The following ZBTB20 variants were observed in gnomAD, a reference collection of about 807,000 sequenced individuals.
ZBTB20 encodes the protein zinc finger and BTB domain containing 20.
Under a neutral mutation model 56.9 loss-of-function variants are expected in ZBTB20, and 9 were observed. The ratio of observed to expected loss-of-function variants is 0.16; its 90% CI spans 0.10 to 0.28. The LOEUF (loss-of-function observed/expected upper bound fraction) is 0.28. Among genes scored for constraint, ZBTB20 ranks in the 10% least tolerant of loss-of-function variants. The pLI, the probability that ZBTB20 is intolerant of heterozygous loss-of-function variation, is 1.00. For synonymous variants in ZBTB20, 417 were observed against 420.7 expected, an observed-to-expected ratio of 0.99 and a Z score of 0.11; for missense variants, 655 against 1,003.0, an observed-to-expected ratio of 0.65 and a Z score of 4.69.
chr3:114,979,499 T>C (rs2078243907), intron 2 of ZBTB20, among the ~76,000 whole-genome samples: 1 of 152,038 alleles, frequency 6.6e-6, no homozygotes, highest in South Asian at 2.1e-4. Context: ...AACTATGACT[T>C]CTGGTTAATT....
In ZBTB20 at chr3:114,698,067, G is replaced by A. The variant is rs118009575; in HGVS notation, c.-342-4492C>T. On this transcript the variant is annotated intron_variant, in intron 5 of 11. Coordinates refer to ENST00000675478, the MANE Select transcript of ZBTB20 (RefSeq NM_001348800.3). ...TGCATCTATTTATGATTCTCTCTAT[G>A]CATTTGTGAATCTGTATCTGTGATC... Among the ~76,000 whole-genome samples the A allele has an allele frequency of 3.0e-4, 46 of 152,122 alleles. 1 individual carries two copies. The East Asian group carries it at 8.7e-3, about 29-fold the overall frequency.
At chr3:115,101,481 ACAAACAT>A (rs1455031437) in intron 1 of ZBTB20, among the ~76,000 whole-genome samples, 2 of 152,122 alleles carry the variant, frequency 1.3e-5, no homozygotes, top group African/African-American at 4.8e-5. Flanking sequence ...CTATAGAATT[ACAAACAT>A]CAGAAAACAG....
chr3:114,415,954 C>A (rs981781227), intron 7 of ZBTB20, among the ~76,000 whole-genome samples: 1 of 152,060 alleles, frequency 6.6e-6, no homozygotes, highest in Non-Finnish European at 1.5e-5. Context: ...ATAAATAGCT[C>A]ATCAAATCCC....
intron 5 of ZBTB20, among the ~76,000 whole-genome samples, chr3:114,766,191 T>C (rs1210311297): frequency 6.6e-6 from 1 of 151,810 alleles, no homozygotes. Flanking sequence ...ATGAGAGGAC[T>C]GAACAAAGCA....
intron 10 of ZBTB20, among the ~76,000 whole-genome samples, chr3:114,367,573 T>C (rs2082548166): frequency 6.6e-6 from 1 of 152,192 alleles, no homozygotes; most frequent in Non-Finnish European, 1.5e-5. Flanking sequence ...AATCTCTTAT[T>C]GACTAGAATG....
At chr3:115,049,671 T>G (rs2081468431) in intron 2 of ZBTB20, among the ~76,000 whole-genome samples, 1 of 152,120 alleles carries the variant, frequency 6.6e-6, no homozygotes, top group African/African-American at 2.4e-5. Context: ...ATTTTCAGAT[T>G]ATGGATGTTC....
At chr3:114,818,619 A>C (rs543399054) in intron 4 of ZBTB20, among the ~76,000 whole-genome samples, 17 of 152,156 alleles carry the variant, frequency 1.1e-4, no homozygotes, top group Admixed American at 7.2e-4. Context: ...AGATTAATAA[A>C]AGTCAACGTC....
At chr3:114,675,064 AATATATATT>A (rs954397873) in intron 6 of ZBTB20, among the ~76,000 whole-genome samples, 15 of 148,068 alleles carry the variant, frequency 1.0e-4, no homozygotes, top group South Asian at 2.1e-4. Flanking sequence ...TATATATATG[AATATATATT>A]ATATATATTA....
chr3:115,019,108 G>A (rs1266337841), intron 2 of ZBTB20, among the ~76,000 whole-genome samples: 2 of 151,090 alleles, frequency 1.3e-5, no homozygotes, highest in African/African-American at 4.8e-5. Context: ...TACCTACCCT[G>A]ACTAAATATT....
In ZBTB20 at chr3:114,320,002, T is replaced by C. The variant is rs745725707; in HGVS notation, c.*19003A>G. The C allele has an allele frequency of 6.6e-6, 1 of 152,176 alleles. No individual in the cohort carries two copies. The highest frequency in any genetic ancestry group is 1.5e-5 in the Non-Finnish European group (1 of 68,018). 9.4% of individuals were successfully genotyped at this position (152,176 alleles called of 1,614,324 possible). On this transcript the variant is annotated 3_prime_UTR_variant, in exon 12 of 12. Transcript: ENST00000675478. The stretch of plus-strand genomic sequence containing the variant: ...TCCATACTTTCTTCCACATTTAACC[T>C]GTTTGGGCATTAATTGCAATAATGA...
chr3:114,666,131 C>T (rs1025037798), intron 6 of ZBTB20, among the ~76,000 whole-genome samples: 3 of 151,970 alleles, frequency 2.0e-5, no homozygotes, highest in African/African-American at 7.2e-5. Flanking sequence ...CTTTCTCATC[C>T]GTTTTTCCTG....
At chr3:114,427,224 T>TA (rs1365205451) in intron 7 of ZBTB20, among the ~76,000 whole-genome samples, 1 of 152,242 alleles carries the variant, frequency 6.6e-6, no homozygotes, top group Admixed American at 6.5e-5. Context: ...GATTGTTTAA[T>TA]ATTATATTCA....
chr3:114,483,697 C>G (rs1021308796), intron 7 of ZBTB20, among the ~76,000 whole-genome samples: 2 of 152,072 alleles, frequency 1.3e-5, no homozygotes, highest in Admixed American at 1.3e-4. Flanking sequence ...GGACATGGGT[C>G]GAGGTCATAG....
At chr3:115,028,294 TAC>T (rs2080510878) in intron 2 of ZBTB20, among the ~76,000 whole-genome samples, 1 of 150,794 alleles carries the variant, frequency 6.6e-6, no homozygotes, top group Non-Finnish European at 1.5e-5. Context: ...CCTAAAACAG[TAC>T]AGCAAAGGAG....
chr3:114,918,706 C>T (rs1026078400), intron 3 of ZBTB20, among the ~76,000 whole-genome samples: 8 of 152,144 alleles, frequency 5.3e-5, no homozygotes, highest in African/African-American at 1.7e-4. Context: ...CTACTTGGTG[C>T]CCTATCCTAC....
chr3:115,133,093 T>C (rs144093406), intron 1 of ZBTB20, among the ~76,000 whole-genome samples: 2,329 of 152,294 alleles, frequency 0.015, 34 homozygotes, highest in South Asian at 0.05. Context: ...TTCCATGGCC[T>C]AGAATGATTT....
chr3:114,482,105 TTAAGA>T (rs933888193), intron 7 of ZBTB20, among the ~76,000 whole-genome samples: 1 of 152,086 alleles, frequency 6.6e-6, no homozygotes, highest in Admixed American at 6.5e-5. Flanking sequence ...GACTATGGAC[TTAAGA>T]TAACCTCACA....
At chr3:114,347,565 G>T (rs772248760) in intron 11 of ZBTB20, among the ~76,000 whole-genome samples, 1 of 152,126 alleles carries the variant, frequency 6.6e-6, no homozygotes, top group Non-Finnish European at 1.5e-5. Flanking sequence ...AAATTGAAAA[G>T]AACTTTGTTT....
intron 1 of ZBTB20, among the ~76,000 whole-genome samples, chr3:115,110,555 T>C (rs1433481128): frequency 6.6e-6 from 1 of 152,246 alleles, no homozygotes; most frequent in Non-Finnish European, 1.5e-5. Flanking sequence ...CCGATATGTT[T>C]GGTAGGATTC....
Sources: gnomAD v4.1 joint callset for allele counts (sites outside exome capture counted in the v4.1 genomes callset) on GRCh38, gnomAD v4.1.1 for gene constraint, MANE v1.5 for transcripts, NCBI Gene and HGNC (gene_info 2026-07-23, HGNC 2026-07-21) for gene names.